Variants in RNF166 observed in about 807,000 individuals in gnomAD.
The protein encoded by RNF166 is E3 ubiquitin-protein ligase RNF166.
RNF166 carries 19 observed loss-of-function variants against 29.4 expected under a neutral mutation model. That is an observed-to-expected ratio of 0.65 (90% CI 0.45 to 0.95). The LOEUF is 0.95. Among genes scored for constraint, RNF166 ranks in the 40% least tolerant of loss-of-function variants. The pLI is 0.00. For missense variants in RNF166, 347 were observed against 322.1 expected, an observed-to-expected ratio of 1.08 and a Z score of -0.59; for synonymous variants, 171 against 134.5, an observed-to-expected ratio of 1.27 and a Z score of -1.88.
At chr16:88,698,758 C>T (rs918710863) in intron 4 of RNF166, 149 bp from the exon 5 acceptor site, 69 of 676,498 alleles carry the variant, frequency 1.0e-4, no homozygotes, top group African/African-American at 8.9e-4. Context: ...CGGTGACAAG[C>T]GAGTTATTCA....
At chr16:88,706,079 C>G (rs1478333841) in intron 1 of RNF166, 92 bp downstream of exon 1, 4 of 879,022 alleles carry the variant, frequency 4.6e-6, no homozygotes, top group Non-Finnish European at 5.5e-6. Flanking sequence ...CGCGCCCAGT[C>G]CGGAGCTGCA....
intron 1 of RNF166, chr16:88,703,456 G>A (rs547029018): frequency 2.4e-4 from 238 of 985,460 alleles, no homozygotes; most frequent in East Asian, 1.4e-3. Flanking sequence ...CGTCCTCCCC[G>A]GAAGGACTCA....
chr16:88,701,918 G>A (rs1310659534), intron 1 of RNF166, among the ~76,000 whole-genome samples: 1 of 152,354 alleles, frequency 6.6e-6, no homozygotes. Context: ...AAGGGCCAAA[G>A]CTAGCCAAGT....
intron 2 of RNF166, 175 bp downstream of exon 2, chr16:88,701,087 G>C: frequency 7.8e-7 from 1 of 1,289,406 alleles, no homozygotes; most frequent in Non-Finnish European, 1.0e-6. Flanking sequence ...GGAAGTGAGA[G>C]ATGAAGACGG....
Position 88,702,789 on chromosome 16 carries a change from C to G in RNF166, c.156-1371G>C, listed in dbSNP as rs146569552. ...TTTACCCACCTCACCCGAGTTCTCACCAGGCGCCCCAGCAGATATTTCCAG... is the reference window on the plus strand; with the variant it reads ...TTTACCCACCTCACCCGAGTTCTCAGCAGGCGCCCCAGCAGATATTTCCAG... On this transcript the variant is annotated intron_variant, in intron 1 of 5. Transcript: ENST00000312838. 2.8e-4 allele frequency: 274 copies of G among 985,496 alleles called. No individual in the cohort carries two copies. The African/African-American group carries it at 4.3e-3, about 16-fold the overall frequency. 61.0% of individuals were successfully genotyped at this position (985,496 alleles called of 1,614,324 possible).
intron 1 of RNF166, among the ~76,000 whole-genome samples, chr16:88,702,302 CAGCTG>C (rs936928144): frequency 2.6e-5 from 4 of 152,224 alleles, no homozygotes; most frequent in African/African-American, 9.6e-5. Context: ...ACTGTGGGGA[CAGCTG>C]AGCTGCGGCG....
chr16:88,705,854 C>G (rs887589189), intron 1 of RNF166, among the ~76,000 whole-genome samples: 1 of 152,230 alleles, frequency 6.6e-6, no homozygotes, highest in Non-Finnish European at 1.5e-5. Flanking sequence ...CTGCTGCCCT[C>G]TGAGTACCGG....
intron 1 of RNF166, among the ~76,000 whole-genome samples, chr16:88,705,277 G>A (rs987791282): frequency 6.6e-6 from 1 of 152,204 alleles, no homozygotes; most frequent in African/African-American, 2.4e-5. Context: ...AAATGTTCTA[G>A]AGCCTCCTAC....
chr16:88,698,344 AG>A (rs1909839904), intron 5 of RNF166, 157 bp downstream of exon 5: 3 of 726,590 alleles, frequency 4.1e-6, no homozygotes, highest in Non-Finnish European at 5.0e-6. Flanking sequence ...ACCTGCAGGC[AG>A]CCCCCACAGA....
At chr16:88,703,653 G>A (rs531527196) in intron 1 of RNF166, 94 of 985,540 alleles carry the variant, frequency 9.5e-5, no homozygotes, top group South Asian at 7.5e-4. Context: ...TCCTGTCTGC[G>A]CCCACCCAGG....
intron 1 of RNF166, chr16:88,702,800 A>G (rs1221980276): frequency 1.7e-5 from 17 of 985,346 alleles, no homozygotes; most frequent in Non-Finnish European, 1.9e-5. Flanking sequence ...CAGGCGCCCC[A>G]GCAGATATTT....
chr16:88,701,974 G>C (rs1910284326), intron 1 of RNF166, among the ~76,000 whole-genome samples: 1 of 152,324 alleles, frequency 6.6e-6, no homozygotes, highest in South Asian at 2.1e-4. Context: ...GCTTGGGACA[G>C]CTTCGCAGGC....
rs896696752 is a variant in RNF166 at position 88,700,557 on chromosome 16, G to A, written c.312+705C>T. 19 of 966,138 alleles carry A rather than the reference G, an allele frequency of 2.0e-5. 1 individual carries two copies. Among genetic ancestry groups the A allele is most frequent in the Admixed American group, 6.4e-5 (1 of 15,564 alleles). The allele number at this position is 966,138 out of a possible 1,614,324, so 59.8% of individuals were successfully genotyped here. On this transcript the variant is annotated intron_variant, in intron 2 of 5. Coordinates refer to ENST00000312838, the MANE Select transcript of RNF166 (RefSeq NM_178841.4). The stretch of plus-strand genomic sequence containing the variant: ...CGAGGGGCCACGTACTAGTGTGAGC[G>A]CTTCATAGAACTTATTCACCTGAGA...
At position 88,706,369 on chromosome 16, in the gene RNF166, C is replaced by G; in HGVS notation, c.-44G>C. 4 of 1,218,012 alleles carry G rather than the reference C, an allele frequency of 3.3e-6. No homozygotes were observed. The highest frequency in any genetic ancestry group is 7.0e-5 in the South Asian group (2 of 28,456). 75.5% of individuals were successfully genotyped at this position (1,218,012 alleles called of 1,614,324 possible). A position where few individuals can be genotyped will look rare whatever the true frequency, so the allele number is the denominator to read the frequency against. ...CCGCCCGCCGCCCGCTGTCCTGGCC[C>G]GGGCCGGCCCGCTAGTCACAGCCGC... On this transcript the variant is annotated 5_prime_UTR_variant, in exon 1 of 6. Coordinates refer to ENST00000312838, the MANE Select transcript of RNF166 (RefSeq NM_178841.4).
chr16:88,705,564 G>T (rs1910700643), intron 1 of RNF166, among the ~76,000 whole-genome samples: 1 of 152,188 alleles, frequency 6.6e-6, no homozygotes, highest in South Asian at 2.1e-4. Flanking sequence ...GGTGCAGCTG[G>T]AAACCCCAGC....
rs554398204 is a variant in RNF166 at position 88,705,395 on chromosome 16, C to T, written c.155+776G>A. Reference sequence around the variant, plus strand: ...TGCCACTGCTGATTTTGCTCAAGAGCTGTATTATTCAGCACTTAGGAGGGA... The same window carrying T: ...TGCCACTGCTGATTTTGCTCAAGAGTTGTATTATTCAGCACTTAGGAGGGA... On this transcript the variant is annotated intron_variant, in intron 1 of 5. Transcript: ENST00000312838. Among the ~76,000 whole-genome samples the T allele has an allele frequency of 9.2e-5, 14 of 152,354 alleles. No individual in the cohort carries two copies. The South Asian group carries it at 2.3e-3, about 25-fold the overall frequency.
chr16:88,703,647 G>C (rs992472042), intron 1 of RNF166: 1 of 985,418 alleles, frequency 1.0e-6, no homozygotes, highest in South Asian at 4.7e-5. Context: ...GGAAGTTCCT[G>C]TCTGCGCCCA....
intron 1 of RNF166, among the ~76,000 whole-genome samples, chr16:88,705,357 T>C (rs1245965814): frequency 6.6e-6 from 1 of 152,134 alleles, no homozygotes; most frequent in Admixed American, 6.5e-5. Flanking sequence ...GCCCTCCTGC[T>C]CTCTCTCTCC....
chr16:88,700,854 G>A (rs1284850146), intron 2 of RNF166: 17 of 1,065,228 alleles, frequency 1.6e-5, no homozygotes, highest in Non-Finnish European at 1.8e-5. Context: ...GAGGGTGCTC[G>A]GCCCTTAGAT....
Sources: allele counts gnomAD v4.1 joint callset (sites outside exome capture counted in the v4.1 genomes callset), GRCh38; gene constraint gnomAD v4.1.1; transcripts MANE v1.5; gene names NCBI Gene and HGNC (gene_info 2026-07-23, HGNC 2026-07-21).